The following ALS2CL variants were observed in gnomAD, a reference collection of about 807,000 sequenced individuals.
The protein encoded by ALS2CL is ALS2 C-terminal-like protein.
In ALS2CL, 112 loss-of-function variants were observed where a neutral mutation model predicts 127.9. The observed-to-expected ratio is 0.88, with a 90% confidence interval of 0.75 to 1.02. The LOEUF (loss-of-function observed/expected upper bound fraction) is 1.02. ALS2CL is among the 50% of genes least tolerant of loss of function. The pLI is 0.00. For missense variants in ALS2CL, 1,174 were observed against 1,236.7 expected, an observed-to-expected ratio of 0.95 and a Z score of 0.76; for synonymous variants, 519 against 527.6, an observed-to-expected ratio of 0.98 and a Z score of 0.22.
At chr3:46,690,013 G>A (rs912915261) in intron 1 of ALS2CL, among the ~76,000 whole-genome samples, 5 of 152,168 alleles carry the variant, frequency 3.3e-5, no homozygotes, top group Admixed American at 1.3e-4. Flanking sequence ...CTAGAGCCAC[G>A]AATGATGGGC....
Position 46,681,478 on chromosome 3 carries a change from C to T in ALS2CL, c.1274+22G>A, listed in dbSNP as rs772126763. On this transcript the variant is annotated intron_variant, in intron 12 of 25. Transcript: ENST00000318962. The surrounding 1 kb of genome is among the most constrained non-coding windows in gnomAD (Gnocchi z 4.9). ...CCAGAGGATGGGCCCAGCCCATGAA[C>T]CCCCCAGCCAGGGTCACTTACTCAC... 22 of 1,613,812 alleles carry T rather than the reference C, an allele frequency of 1.4e-5. No individual in the cohort carries two copies. The highest frequency in any genetic ancestry group is 1.8e-5 in the Non-Finnish European group (21 of 1,179,770).
Position 46,680,542 on chromosome 3 carries a change from C to T in ALS2CL, c.1437-1G>A. ...CCACATGCCAATGTAGCGCTCACCT[C>T]TGGAAGGAGAGGAATGTGGCCAGAG... is the stretch of plus-strand genomic sequence containing the variant. On this transcript the variant is annotated splice_acceptor_variant, in intron 13 of 25. Coordinates refer to ENST00000318962, the MANE Select transcript of ALS2CL (RefSeq NM_147129.5). LOFTEE classifies it high-confidence loss of function. The T allele has an allele frequency of 6.2e-7, 1 of 1,611,026 alleles. No individual in the cohort carries two copies. Among genetic ancestry groups the T allele is most frequent in the Admixed American group, 1.7e-5 (1 of 60,010 alleles).
intron 6 of ALS2CL, among the ~76,000 whole-genome samples, chr3:46,685,868 C>T (rs1699729460): frequency 6.6e-6 from 1 of 152,212 alleles, no homozygotes; most frequent in Non-Finnish European, 1.5e-5. Context: ...ACGGCCCCAG[C>T]CATGCCCCTA....
At chr3:46,688,381 T>G (rs1699944537) in intron 2 of ALS2CL, 85 bp from the exon 3 acceptor site, 2 of 1,350,032 alleles carry the variant, frequency 1.5e-6, no homozygotes, top group African/African-American at 1.5e-5. Flanking sequence ...GGTGTTCACA[T>G]GAGAGCCACC....
In ALS2CL at chr3:46,684,126, G is replaced by A; in HGVS notation, c.787-79C>T. ...ACCCTCTGGCCAAGGCTTGCCCCAA[G>A]CTCAACCTTGTGTGGCCACCAAGGC... On this transcript the variant is annotated intron_variant, in intron 7 of 25. Transcript: ENST00000318962. The A allele has an allele frequency of 2.0e-6, 3 of 1,494,222 alleles. No homozygotes were observed. In the South Asian group the frequency reaches 3.6e-5, roughly 18 times the overall value. The allele number at this position is 1,494,222 out of a possible 1,614,324, so 92.6% of individuals were successfully genotyped here. A position where few individuals can be genotyped will look rare whatever the true frequency, so the allele number is the denominator to read the frequency against.
chr3:46,683,650 G>A (rs1412452204), intron 9 of ALS2CL, 132 bp downstream of exon 9: 17 of 1,163,348 alleles, frequency 1.5e-5, no homozygotes, highest in Non-Finnish European at 2.1e-5. Flanking sequence ...GATTTACTCT[G>A]ACCAGGTCCC....
At chr3:46,690,386 G>T (rs1201403561) in intron 1 of ALS2CL, among the ~76,000 whole-genome samples, 1 of 152,208 alleles carries the variant, frequency 6.6e-6, no homozygotes, top group African/African-American at 2.4e-5. Context: ...GATGGGTGGG[G>T]GCCCTTGGGG....
chr3:46,685,007 C>T (rs1393035278), intron 7 of ALS2CL, among the ~76,000 whole-genome samples: 1 of 152,102 alleles, frequency 6.6e-6, no homozygotes, highest in Non-Finnish European at 1.5e-5. Context: ...TGGTGACTGG[C>T]CATGTAACAA....
At chr3:46,680,618 G>C in intron 13 of ALS2CL, 77 bp from the exon 14 acceptor site, 1 of 1,338,028 alleles carries the variant, frequency 7.5e-7, no homozygotes, top group Non-Finnish European at 1.1e-6. Flanking sequence ...CTGGCACGGG[G>C]CGGCAGGGAG....
At chr3:46,677,500 C>G in intron 16 of ALS2CL, 1 of 695,688 alleles carries the variant, frequency 1.4e-6, no homozygotes, top group Non-Finnish European at 1.8e-6. Flanking sequence ...GTAGGCTACA[C>G]GCAGCCCACA....
In ALS2CL at chr3:46,684,007, A is replaced by G. The variant is rs1220748787; in HGVS notation, c.827T>C (p.Val276Ala). 1 of 1,577,066 alleles carries G rather than the reference A, an allele frequency of 6.3e-7. No individual in the cohort carries two copies. Among genetic ancestry groups the G allele is most frequent in the Non-Finnish European group, 8.6e-7 (1 of 1,160,252 alleles). The change falls in exon 8 of 26, where the codon GTG becomes GCG. Residue 276 changes from valine to alanine, a missense_variant. Physicochemically the swap from Val to Ala is moderately conservative, Grantham distance 64. Coordinates refer to ENST00000318962, the MANE Select transcript of ALS2CL (RefSeq NM_147129.5). ...VHTFDLKLVWVDPGQDGCTFH... is the reference protein window; with the variant it reads ...VHTFDLKLVWADPGQDGCTFH... ...TGCTCACCCGTCCTGCCCAGGATCC[A>G]CCCACACCAGCTTCAGATCAAAGGT...
At position 46,678,339 on chromosome 3, in the gene ALS2CL, A is replaced by C; in HGVS notation, c.1677T>G (p.Ser559Arg). ...NGFTLEGSFG[S>R]GAGRGLHTQG... ...GTGTGTGCAGTCCTCTCCCTGCCCCACTGCCGAACGAGCCCTCCAGGGTGA... is the reference window on the plus strand; with the variant it reads ...GTGTGTGCAGTCCTCTCCCTGCCCCCCTGCCGAACGAGCCCTCCAGGGTGA... The change falls in exon 16 of 26, where the codon AGT (serine) becomes AGG (arginine). Residue 559 changes from serine (S) to arginine (R), a missense_variant. Physicochemically the swap from Ser to Arg is moderately radical, Grantham distance 110. Transcript: ENST00000318962. The C allele has an allele frequency of 6.2e-7, 1 of 1,613,366 alleles. No individual in the cohort carries two copies. The highest frequency in any genetic ancestry group is 8.5e-7 in the Non-Finnish European group (1 of 1,179,600).
chr3:46,679,260 C>T lies in ALS2CL; in HGVS notation c.1576G>A (p.Asp526Asn), dbSNP rs138555173. ...VGPGILLSED[D>N]SLYEGTFTRD... ...GTGAAGGTGCCCTCATACAGGGAGT[C>T]GTCTTCAGAGAGGAGGATGCCCGGG... Residue 526 changes from aspartate to asparagine, a missense_variant, in exon 15 of 26, where the codon GAC becomes AAC. Asp to Asn is a conservative substitution (Grantham distance 23). Coordinates refer to ENST00000318962, the MANE Select transcript of ALS2CL (RefSeq NM_147129.5). The T allele has an allele frequency of 5.7e-6, 9 of 1,588,588 alleles. No individual in the cohort carries two copies. Among genetic ancestry groups the T allele is most frequent in the Middle Eastern group, 1.7e-4 (1 of 6,016 alleles).
In ALS2CL at chr3:46,671,519, C is replaced by A; in HGVS notation, c.2750G>T (p.Gly917Val). ...GGCTGTGAGCAGGAAGTCATACAGG[C>A]CTCCTGTGTGGTTGGGGTCCATCAT... is the stretch of plus-strand genomic sequence containing the variant. Reference protein sequence around the residue: ...RDMMDPNHTGGLYDFLLTALE... With the variant: ...RDMMDPNHTGVLYDFLLTALE... Residue 917 changes from glycine to valine, a missense_variant, in exon 25 of 26, where the codon GGC becomes GTC. Physicochemically the swap from Gly to Val is moderately radical, Grantham distance 109. Coordinates refer to ENST00000318962, the MANE Select transcript of ALS2CL (RefSeq NM_147129.5). The A allele has an allele frequency of 6.2e-7, 1 of 1,614,056 alleles. No individual in the cohort carries two copies. Among genetic ancestry groups the A allele is most frequent in the Non-Finnish European group, 8.5e-7 (1 of 1,179,988 alleles).
chr3:46,688,718 G>A (rs1699968073), intron 2 of ALS2CL, among the ~76,000 whole-genome samples: 1 of 152,222 alleles, frequency 6.6e-6, no homozygotes, highest in African/African-American at 2.4e-5. Context: ...CCTCACAGGT[G>A]AGAATTAAAC....
chr3:46,689,057 C>CCA (rs10626746), intron 2 of ALS2CL, among the ~76,000 whole-genome samples: 1 of 151,956 alleles, frequency 6.6e-6, no homozygotes, highest in African/African-American at 2.4e-5. Context: ...TGGTAAAACC[C>CCA]GTCTCCACTA....
At chr3:46,682,227 T>C in intron 10 of ALS2CL, 133 bp from the exon 11 acceptor site, 1 of 936,346 alleles carries the variant, frequency 1.1e-6, no homozygotes, top group Non-Finnish European at 1.7e-6. Flanking sequence ...CCCTCTTGTC[T>C]GAGCTCCGAA....
chr3:46,689,339 G>A lies in ALS2CL; in HGVS notation c.102C>T (p.Ala34=), dbSNP rs143702641. 153 of 1,612,654 alleles carry A rather than the reference G, an allele frequency of 9.5e-5. No homozygotes were observed. The highest frequency in any genetic ancestry group is 1.2e-4 in the Non-Finnish European group (138 of 1,179,814). ...CCCCACTAGAAAGCCTAGACTCACC[G>A]GCTGGGAGCAGGGGCTGGAGGACAA... ...NSLVLQPLLP[A]APDPSDPWGR... The change falls in exon 2 of 26, where the codon GCC becomes GCT. Residue 34 remains alanine (A), a splice_region_variant and synonymous_variant. Transcript: ENST00000318962.
At position 46,684,040 on chromosome 3, in the gene ALS2CL, T is replaced by C. The variant is rs1161417326; in HGVS notation, c.794A>G (p.Asn265Ser). The C allele has an allele frequency of 6.4e-6, 10 of 1,557,534 alleles. No individual in the cohort carries two copies. Among genetic ancestry groups the C allele is most frequent in the Admixed American group, 1.9e-5 (1 of 51,506 alleles). ...DDALVLLQGH[N>S]VHTFDLKLVW... Reference sequence around the variant, plus strand: ...CAGCTTCAGATCAAAGGTGTGGACATTGTGGCCCTGGAAGAGGATGGACAC... The same window carrying C: ...CAGCTTCAGATCAAAGGTGTGGACACTGTGGCCCTGGAAGAGGATGGACAC... Residue 265 changes from asparagine to serine, a missense_variant, in exon 8 of 26, where the codon AAT becomes AGT. Physicochemically the swap from Asn to Ser is conservative, Grantham distance 46. Transcript: ENST00000318962.
Sources: gnomAD v4.1 joint callset for allele counts (sites outside exome capture counted in the v4.1 genomes callset) on GRCh38, gnomAD v4.1.1 for gene constraint, Gnocchi (gnomAD v3.1) non-coding constraint, MANE v1.5 for transcripts, NCBI Gene and HGNC (gene_info 2026-07-23, HGNC 2026-07-21) for gene names.